Variants in LOC112694756 observed in about 807,000 individuals in gnomAD.
the LOC112694756 span, chr16:30,070,026 C>T: frequency 1.2e-6 from 2 of 1,613,612 alleles, no homozygotes; most frequent in African/African-American, 1.3e-5. Flanking sequence ...TCAAGCGAGC[C>T]CTGGTAAGGA....
chr16:30,067,478 T>C, the LOC112694756 span: 2 of 1,613,144 alleles, frequency 1.2e-6, no homozygotes, highest in South Asian at 2.2e-5. Flanking sequence ...TGCAGTCCAT[T>C]GGCACCGAGA....
the LOC112694756 span, among the ~76,000 whole-genome samples, chr16:30,066,429 G>A: frequency 6.6e-6 from 1 of 152,228 alleles, no homozygotes; most frequent in African/African-American, 2.4e-5. Flanking sequence ...CTGCAGCCAT[G>A]CGAAGCGACG....
chr16:30,061,433 A>G, the LOC112694756 span, among the ~76,000 whole-genome samples: 1 of 151,650 alleles, frequency 6.6e-6, no homozygotes, highest in African/African-American at 2.4e-5. Flanking sequence ...GCAGACCCAG[A>G]GAGAGGCTGA....
At chr16:30,069,749 T>A in the LOC112694756 span, 9 of 1,611,756 alleles carry the variant, frequency 5.6e-6, no homozygotes, top group African/African-American at 1.2e-4. Context: ...TTGGACGGAT[T>A]TCCATGGCAA....
chr16:30,065,511 G>A, the LOC112694756 span, among the ~76,000 whole-genome samples: 2 of 152,200 alleles, frequency 1.3e-5, no homozygotes, highest in Non-Finnish European at 2.9e-5. Flanking sequence ...CCAGGCTGGG[G>A]GAAAGGAGCA....
At chr16:30,066,819 G>C in the LOC112694756 span, 1 of 1,495,136 alleles carries the variant, frequency 6.7e-7, no homozygotes, top group Non-Finnish European at 9.0e-7. Context: ...CCACGAGGGT[G>C]TTGGGCCCTC....
At chr16:30,067,768 A>C in the LOC112694756 span, 1 of 1,319,080 alleles carries the variant, frequency 7.6e-7, no homozygotes, top group Non-Finnish European at 1.1e-6. Context: ...AGAGACTTGC[A>C]TGGAGCCTGC....
At chr16:30,070,205 C>T in the LOC112694756 span, 16 of 1,614,138 alleles carry the variant, frequency 9.9e-6, no homozygotes, top group Admixed American at 2.7e-4. Flanking sequence ...TCTAACCACG[C>T]CTATTAAGCG....
the LOC112694756 span, chr16:30,068,016 A>G: frequency 3.4e-6 from 1 of 298,226 alleles, no homozygotes; most frequent in Non-Finnish European, 6.4e-6. Context: ...AAAATATTTT[A>G]ATTTAATTGT....
chr16:30,067,580 T>C, the LOC112694756 span: 1 of 1,613,798 alleles, frequency 6.2e-7, no homozygotes. Flanking sequence ...TCCTCTTCCA[T>C]GAGACACTCT....
chr16:30,057,896 A>G, the LOC112694756 span, among the ~76,000 whole-genome samples: 3 of 151,274 alleles, frequency 2.0e-5, no homozygotes, highest in African/African-American at 7.3e-5. Context: ...ATGCCACTGC[A>G]CTCCAGCCTG....
chr16:30,069,766 C>G, the LOC112694756 span: 1 of 1,611,828 alleles, frequency 6.2e-7, no homozygotes, highest in Non-Finnish European at 8.5e-7. Flanking sequence ...GCAACTTCCA[C>G]CAGCTCCTGC....
chr16:30,066,832 C>A, the LOC112694756 span: 2 of 1,518,418 alleles, frequency 1.3e-6, no homozygotes, highest in Non-Finnish European at 1.8e-6. Context: ...GGGCCCTCTG[C>A]TTGATTCACG....
the LOC112694756 span, chr16:30,055,102 T>C: frequency 2.5e-6 from 1 of 399,006 alleles, no homozygotes; most frequent in Non-Finnish European, 4.4e-6. Context: ...CCTTTTCCTT[T>C]CCCCTCGGGA....
the LOC112694756 span, chr16:30,068,400 A>AT: frequency 1.8e-6 from 1 of 560,446 alleles, no homozygotes; most frequent in Non-Finnish European, 3.2e-6. Context: ...CTAAGTGAAA[A>AT]TATTTGCCAG....
chr16:30,058,472 CTTCTT>C, the LOC112694756 span, among the ~76,000 whole-genome samples: 1 of 151,732 alleles, frequency 6.6e-6, no homozygotes, highest in Non-Finnish European at 1.5e-5. Context: ...GCCTGCTCTG[CTTCTT>C]TTTTTTTTCT....
the LOC112694756 span, chr16:30,054,906 G>C: frequency 2.3e-5 from 9 of 399,004 alleles, no homozygotes; most frequent in Non-Finnish European, 4.0e-5. Context: ...GTCTAGTCCT[G>C]CTGACTAGGA....
At chr16:30,064,017 C>A in the LOC112694756 span, 1 of 398,780 alleles carries the variant, frequency 2.5e-6, no homozygotes, top group Non-Finnish European at 4.4e-6. Flanking sequence ...GGACTCTTGG[C>A]CGGCTGGACG....
the LOC112694756 span, among the ~76,000 whole-genome samples, chr16:30,061,524 CCTCT>C: frequency 6.7e-6 from 1 of 149,636 alleles, no homozygotes; most frequent in Non-Finnish European, 1.5e-5. Context: ...CCATCACTTG[CCTCT>C]CTGTCTATGC....
Sources: allele counts gnomAD v4.1 joint callset (sites outside exome capture counted in the v4.1 genomes callset), GRCh38; gene constraint gnomAD v4.1.1; transcripts MANE v1.5.